The following ERBB4 variants were observed in gnomAD, a reference collection of about 807,000 sequenced individuals.
The protein encoded by ERBB4 is erb-b2 receptor tyrosine kinase 4.
ERBB4 carries 42 observed loss-of-function variants against 158.0 expected under a neutral mutation model. The observed-to-expected ratio is 0.27, with a 90% CI of 0.21 to 0.34. ERBB4 has a LOEUF of 0.34. Ranked by LOEUF, ERBB4 falls within the 10% of genes least tolerant of loss-of-function variation. ERBB4 has a pLI of 1.00. For missense variants in ERBB4, 1,333 were observed against 1,624.1 expected, an observed-to-expected ratio of 0.82 and a Z score of 3.08; for synonymous variants, 583 against 558.7, an observed-to-expected ratio of 1.04 and a Z score of -0.61.
intron 1 of ERBB4, among the ~76,000 whole-genome samples, chr2:212,216,014 T>A (rs895041403): frequency 6.6e-6 from 1 of 151,386 alleles, no homozygotes. Flanking sequence ...TTTTTGGTCA[T>A]AACATAATTT....
intron 1 of ERBB4, among the ~76,000 whole-genome samples, chr2:212,213,310 G>C (rs1185220449): frequency 6.6e-6 from 1 of 151,824 alleles, no homozygotes; most frequent in Non-Finnish European, 1.5e-5. Context: ...ACGTATGAAA[G>C]AAAGCTCAAC....
intron 2 of ERBB4, among the ~76,000 whole-genome samples, chr2:212,098,320 A>G (rs2078988064): frequency 1.3e-5 from 2 of 152,154 alleles, no homozygotes; most frequent in South Asian, 4.1e-4. Flanking sequence ...CTTCCAGGCT[A>G]TGAGAAGAAA....
intron 20 of ERBB4, among the ~76,000 whole-genome samples, chr2:211,478,622 G>A (rs187943936): frequency 5.9e-4 from 90 of 152,092 alleles, no homozygotes; most frequent in Non-Finnish European, 8.8e-4. Flanking sequence ...GTCCACTTAA[G>A]CAAATAAAAC....
chr2:212,482,244 C>A (rs555100657), intron 1 of ERBB4, among the ~76,000 whole-genome samples: 1 of 152,282 alleles, frequency 6.6e-6, no homozygotes, highest in East Asian at 1.9e-4. Flanking sequence ...AACAAAAACT[C>A]CCACCATGCC....
At chr2:211,689,290 GCT>G (rs1187070903) in intron 12 of ERBB4, among the ~76,000 whole-genome samples, 19 of 152,164 alleles carry the variant, frequency 1.2e-4, no homozygotes, top group African/African-American at 4.6e-4. Context: ...GACCTCCTGC[GCT>G]CAAGTGATCC....
At chr2:212,441,048 C>T (rs528263573) in intron 1 of ERBB4, among the ~76,000 whole-genome samples, 26 of 152,134 alleles carry the variant, frequency 1.7e-4, no homozygotes, top group South Asian at 8.3e-4. Context: ...TGATCTGCAA[C>T]GAAAGATGCA....
Position 211,703,271 on chromosome 2 carries a change from A to T in ERBB4, c.1289+833T>A, listed in dbSNP as rs181029479. Among the ~76,000 whole-genome samples the T allele has an allele frequency of 1.4e-4, 21 of 152,278 alleles. 1 individual carries two copies. The East Asian group carries it at 4.0e-3, about 29-fold the overall frequency. ...CTGGCTTATAATATTTATTCAACGGATAGTAAAAGTTGTTTATATACAGCA... is the reference window on the plus strand; with the variant it reads ...CTGGCTTATAATATTTATTCAACGGTTAGTAAAAGTTGTTTATATACAGCA... On this transcript the variant is annotated intron_variant, in intron 11 of 27. Coordinates refer to ENST00000342788, the MANE Select transcript of ERBB4 (RefSeq NM_005235.3).
chr2:211,564,599 C>A (rs2067495180), intron 19 of ERBB4, among the ~76,000 whole-genome samples: 1 of 152,122 alleles, frequency 6.6e-6, no homozygotes, highest in Non-Finnish European at 1.5e-5. Flanking sequence ...TGAATGCATA[C>A]AACAGACATG....
intron 25 of ERBB4, 30 bp from the exon 26 acceptor site, chr2:211,388,022 TATA>T (rs774861711): frequency 4.6e-6 from 7 of 1,505,884 alleles, no homozygotes; most frequent in Non-Finnish European, 6.5e-6. Flanking sequence ...GAATGATGGA[TATA>T]ATAAGAGGCA....
chr2:212,300,770 C>T (rs1386470265), intron 1 of ERBB4, among the ~76,000 whole-genome samples: 1 of 151,330 alleles, frequency 6.6e-6, no homozygotes, highest in Non-Finnish European at 1.5e-5. Context: ...AGAGAACCTG[C>T]GTTCGAATCT....
intron 3 of ERBB4, among the ~76,000 whole-genome samples, chr2:211,914,630 C>A (rs2079636869): frequency 6.6e-6 from 1 of 151,930 alleles, no homozygotes. Flanking sequence ...ATAGGTGGAA[C>A]TATAAATGCA....
intron 1 of ERBB4, among the ~76,000 whole-genome samples, chr2:212,409,175 GGTTA>G (rs1353636995): frequency 6.6e-6 from 1 of 152,002 alleles, no homozygotes; most frequent in Non-Finnish European, 1.5e-5. Flanking sequence ...ACAGGGAACA[GGTTA>G]TTTATAAAAA....
At chr2:211,666,373 C>A (rs556318886) in intron 14 of ERBB4, among the ~76,000 whole-genome samples, 24 of 152,146 alleles carry the variant, frequency 1.6e-4, no homozygotes, top group Non-Finnish European at 3.4e-4. Flanking sequence ...AGAACAAACT[C>A]ATTCTATATA....
At chr2:212,427,651 C>T (rs2105927812) in intron 1 of ERBB4, among the ~76,000 whole-genome samples, 1 of 152,182 alleles carries the variant, frequency 6.6e-6, no homozygotes, top group South Asian at 2.1e-4. Context: ...ATTTTATTTT[C>T]TTGTAAGGAG....
rs200876581 is a variant in ERBB4 at position 212,368,574 on chromosome 2, GA to G, written c.82+169874del. Among the ~76,000 whole-genome samples the G allele has an allele frequency of 1.4e-4, 21 of 149,596 alleles. 1 individual carries two copies. The highest frequency in any genetic ancestry group is 8.9e-5 in the Non-Finnish European group (6 of 67,288). ...CCCACCTTTACCCCAATAACTTATG[GA>G]AAAAAAAAGACTCTTAATGGTGTCC... On this transcript the variant is annotated intron_variant, in intron 1 of 27. Coordinates refer to ENST00000342788, the MANE Select transcript of ERBB4 (RefSeq NM_005235.3).
At chr2:212,191,719 A>C (rs139310617) in intron 1 of ERBB4, among the ~76,000 whole-genome samples, 1,638 of 146,818 alleles carry the variant, frequency 0.011, 89 homozygotes, top group African/African-American at 0.039. Context: ...TACATGTTAC[A>C]TATAACACGT....
intron 3 of ERBB4, among the ~76,000 whole-genome samples, chr2:211,820,559 G>A (rs1357354670): frequency 6.6e-6 from 1 of 151,766 alleles, no homozygotes; most frequent in Non-Finnish European, 1.5e-5. Context: ...AATTGAAAAG[G>A]AGGAAATTTC....
At chr2:211,396,676 A>T (rs2062925982) in intron 25 of ERBB4, among the ~76,000 whole-genome samples, 3 of 152,194 alleles carry the variant, frequency 2.0e-5, no homozygotes, top group Non-Finnish European at 4.4e-5. Context: ...TGGCACGTAG[A>T]TTTTATTCAG....
At chr2:212,055,595 T>G (rs1261197142) in intron 2 of ERBB4, among the ~76,000 whole-genome samples, 1 of 152,180 alleles carries the variant, frequency 6.6e-6, no homozygotes, top group African/African-American at 2.4e-5. Context: ...AGGGGAACAA[T>G]CAGGCAGCAA....
Sources: gnomAD v4.1 joint callset for allele counts (sites outside exome capture counted in the v4.1 genomes callset) on GRCh38, gnomAD v4.1.1 for gene constraint, MANE v1.5 for transcripts, NCBI Gene and HGNC (gene_info 2026-07-23, HGNC 2026-07-21) for gene names.